Variants in CSMD1 observed in about 807,000 individuals in gnomAD.
CSMD1 encodes CUB and sushi domain-containing protein 1.
In CSMD1, 213 loss-of-function variants were observed where a neutral mutation model predicts 417.5. The observed-to-expected ratio is 0.51, with a 90% CI of 0.46 to 0.57. The LOEUF (loss-of-function observed/expected upper bound fraction) is 0.57. Among genes scored for constraint, CSMD1 ranks in the 20% least tolerant of loss-of-function variants. The probability of loss-of-function intolerance (pLI) is 0.00; values close to 1 mark genes in which losing one functional copy is unlikely to be tolerated. For synonymous variants in CSMD1, 2,862 were observed against 1,736.8 expected (o/e 1.65, Z -16.11); for missense variants, 6,923 against 4,529.7 (o/e 1.53, Z -15.17).
At chr8:3,309,720 T>G (rs949455984) in intron 23 of CSMD1, among the ~76,000 whole-genome samples, 1 of 152,226 alleles carries the variant, frequency 6.6e-6, no homozygotes, top group Non-Finnish European at 1.5e-5. Context: ...AAATTAAATT[T>G]TGAAATGAAT....
At chr8:3,894,179 G>A (rs1233882069) in intron 5 of CSMD1, among the ~76,000 whole-genome samples, 2 of 152,058 alleles carry the variant, frequency 1.3e-5, no homozygotes, top group African/African-American at 4.8e-5. Context: ...CTTTTGCTGT[G>A]TGTCTTTTGT....
intron 47 of CSMD1, among the ~76,000 whole-genome samples, chr8:3,092,815 T>C (rs559017025): frequency 2.0e-5 from 3 of 152,182 alleles, no homozygotes; most frequent in Non-Finnish European, 4.4e-5. Context: ...CTCAGCATTA[T>C]CTCATACTCG....
At chr8:4,637,143 C>T (rs1196338889) in intron 2 of CSMD1, among the ~76,000 whole-genome samples, 199 bp downstream of exon 2, 12 of 152,136 alleles carry the variant, frequency 7.9e-5, no homozygotes. Context: ...ACCACTAACT[C>T]TTTGTTTCCC....
chr8:3,561,235 A>G (rs936583427), intron 10 of CSMD1, among the ~76,000 whole-genome samples: 4 of 152,228 alleles, frequency 2.6e-5, no homozygotes, highest in Admixed American at 1.3e-4. Flanking sequence ...AAGTTTCTCA[A>G]AGAACTAAAA....
At chr8:3,062,240 G>T (rs959762549) in intron 49 of CSMD1, among the ~76,000 whole-genome samples, 1 of 151,886 alleles carries the variant, frequency 6.6e-6, no homozygotes, top group African/African-American at 2.4e-5. Context: ...TATTTGACAT[G>T]TAGCCATCAT....
rs568985553 is a variant in CSMD1 at position 4,363,126 on chromosome 8, C to T, written c.415+56827G>A. On this transcript the variant is annotated intron_variant, in intron 3 of 69. Transcript: ENST00000635120. ...CAGAGACTTCATCAGACACTTTCAACAGAGTAAATAATAGGTGAGAGACAG... is the reference window on the plus strand; with the variant it reads ...CAGAGACTTCATCAGACACTTTCAATAGAGTAAATAATAGGTGAGAGACAG... Among the ~76,000 whole-genome samples the T allele has an allele frequency of 2.6e-5, 4 of 152,290 alleles. No individual in the cohort carries two copies. The South Asian group carries it at 8.3e-4, about 32-fold the overall frequency.
intron 7 of CSMD1, among the ~76,000 whole-genome samples, chr8:3,681,268 A>G (rs1799647534): frequency 1.3e-5 from 2 of 152,342 alleles, no homozygotes; most frequent in East Asian, 3.9e-4. Flanking sequence ...TGCAGATGAC[A>G]TGATTGTATA....
At position 4,142,537 on chromosome 8, in the gene CSMD1, C is replaced by T. The variant is rs886235877; in HGVS notation, c.416-110438G>A. ...TCTAGATGAATTCTAAGTTTAGCAA[C>T]ATGTTCAGACACTAAAATGACCATT... On this transcript the variant is annotated intron_variant, in intron 3 of 69. Coordinates refer to ENST00000635120, the MANE Select transcript of CSMD1 (RefSeq NM_033225.6). Among the ~76,000 whole-genome samples the T allele has an allele frequency of 1.6e-4, 24 of 151,340 alleles. 1 individual carries two copies. The highest frequency in any genetic ancestry group is 1.7e-4 in the African/African-American group (7 of 40,644).
chr8:4,793,832 T>G (rs1419849492), intron 1 of CSMD1, among the ~76,000 whole-genome samples: 1 of 42,496 alleles, frequency 2.4e-5, no homozygotes, highest in Non-Finnish European at 6.5e-5. Context: ...AACCCCAGAA[T>G]AGGAAAAAAA....
intron 36 of CSMD1, among the ~76,000 whole-genome samples, chr8:3,187,198 T>A (rs1292984500): frequency 6.6e-6 from 1 of 152,240 alleles, no homozygotes; most frequent in African/African-American, 2.4e-5. Flanking sequence ...TGAGTCCTAA[T>A]GCTATTACAG....
intron 2 of CSMD1, among the ~76,000 whole-genome samples, chr8:4,535,594 G>A (rs755509148): frequency 1.9e-4 from 29 of 152,120 alleles, no homozygotes; most frequent in Non-Finnish European, 2.5e-4. Context: ...ATCCAAGATA[G>A]CATCTCTGTT....
At chr8:3,556,703 A>C (rs74765823) in intron 10 of CSMD1, among the ~76,000 whole-genome samples, 1,869 of 152,048 alleles carry the variant, frequency 0.012, 13 homozygotes, top group Non-Finnish European at 0.019. Flanking sequence ...CTTTAAATGA[A>C]AAGTATGACT....
chr8:3,456,199 T>A (rs1041599066), intron 12 of CSMD1, among the ~76,000 whole-genome samples: 1 of 152,128 alleles, frequency 6.6e-6, no homozygotes, highest in Non-Finnish European at 1.5e-5. Context: ...ATTTTCCAGG[T>A]GCCGTCTGTC....
At chr8:4,804,479 A>G (rs1214179232) in intron 1 of CSMD1, among the ~76,000 whole-genome samples, 1 of 146,966 alleles carries the variant, frequency 6.8e-6, no homozygotes, top group Non-Finnish European at 1.5e-5. Context: ...TTTATTTAAA[A>G]AGGGATTCCT....
intron 5 of CSMD1, among the ~76,000 whole-genome samples, chr8:3,987,864 G>C (rs17068401): frequency 0.012 from 1,882 of 152,204 alleles, 46 homozygotes; most frequent in African/African-American, 0.043. Context: ...AATGGTTCAG[G>C]GTCCAATCTG....
At chr8:3,413,335 G>C (rs1329969658) in intron 12 of CSMD1, among the ~76,000 whole-genome samples, 1 of 152,144 alleles carries the variant, frequency 6.6e-6, no homozygotes, top group Non-Finnish European at 1.5e-5. Context: ...AAATGAGGGT[G>C]AGGGTCTTTC....
At chr8:3,566,589 G>GA (rs71203448) in intron 10 of CSMD1, among the ~76,000 whole-genome samples, 70,153 of 149,948 alleles carry the variant, frequency 0.47, 17,074 homozygotes, top group Admixed American at 0.54. Flanking sequence ...AGATTTTCAA[G>GA]AAAAAAAAAC....
At chr8:3,064,912 G>A (rs1188584571) in intron 49 of CSMD1, among the ~76,000 whole-genome samples, 1 of 152,114 alleles carries the variant, frequency 6.6e-6, no homozygotes, top group African/African-American at 2.4e-5. Context: ...TTTATTCCCA[G>A]GGTATAAGCA....
chr8:3,133,173 C>G (rs781462570), intron 41 of CSMD1, among the ~76,000 whole-genome samples: 4 of 152,170 alleles, frequency 2.6e-5, no homozygotes, highest in Non-Finnish European at 5.9e-5. Flanking sequence ...GGGAGGCCGA[C>G]CTGGGGCCCC....
Sources: allele counts gnomAD v4.1 joint callset (sites outside exome capture counted in the v4.1 genomes callset), GRCh38; gene constraint gnomAD v4.1.1; transcripts MANE v1.5; gene names NCBI Gene and HGNC (gene_info 2026-07-23, HGNC 2026-07-21).